The following TBCK variants were observed in gnomAD, a reference collection of about 807,000 sequenced individuals.
TBCK encodes TBC1 domain containing kinase.
Under a neutral mutation model 113.4 loss-of-function variants are expected in TBCK, and 99 were observed. The ratio of observed to expected loss-of-function variants is 0.87; its 90% confidence interval spans 0.74 to 1.03. The LOEUF (loss-of-function observed/expected upper bound fraction) is 1.03, where lower values mean the gene tolerates loss of function less well. TBCK is among the 50% of genes least tolerant of loss of function. The pLI, the probability that TBCK is intolerant of heterozygous loss-of-function variation, is 0.00. For synonymous variants in TBCK, 369 were observed against 370.8 expected (o/e 1.00, Z 0.05); for missense variants, 1,045 against 1,061.3 (o/e 0.98, Z 0.21).
At chr4:106,152,633 T>G (rs1387245677) in intron 23 of TBCK, among the ~76,000 whole-genome samples, 2 of 152,110 alleles carry the variant, frequency 1.3e-5, no homozygotes, top group Non-Finnish European at 2.9e-5. Flanking sequence ...CCACTATTTT[T>G]CAGAATAGTC....
chr4:106,217,381 G>C (rs897037126), intron 19 of TBCK, among the ~76,000 whole-genome samples: 6 of 152,144 alleles, frequency 3.9e-5, no homozygotes, highest in Admixed American at 3.9e-4. Flanking sequence ...AATTAGGCAG[G>C]AGAAGGAAAT....
chr4:106,231,900 C>T, intron 17 of TBCK, 121 bp from the exon 18 acceptor site: 1 of 887,482 alleles, frequency 1.1e-6, no homozygotes. Context: ...AAGTATTATC[C>T]ATCCAGAAAT....
At chr4:106,171,818 A>G (rs1248378621) in intron 22 of TBCK, among the ~76,000 whole-genome samples, 1 of 152,026 alleles carries the variant, frequency 6.6e-6, no homozygotes, top group African/African-American at 2.4e-5. Flanking sequence ...ATCTCAATTC[A>G]GCATTTCTCA....
At chr4:106,216,381 G>A (rs1451538657) in intron 19 of TBCK, among the ~76,000 whole-genome samples, 1 of 151,996 alleles carries the variant, frequency 6.6e-6, no homozygotes, top group Non-Finnish European at 1.5e-5. Flanking sequence ...CAGAACTGAA[G>A]GAAATAGAGA....
chr4:106,210,921 T>C (rs1040839390), intron 20 of TBCK, among the ~76,000 whole-genome samples: 2 of 152,210 alleles, frequency 1.3e-5, no homozygotes, highest in African/African-American at 4.8e-5. Context: ...TCTCTGTTCA[T>C]GAATATGTCT....
intron 3 of TBCK, among the ~76,000 whole-genome samples, chr4:106,269,524 T>A (rs547572297): frequency 6.6e-6 from 1 of 152,272 alleles, no homozygotes; most frequent in South Asian, 2.1e-4. Flanking sequence ...CACATTTCAG[T>A]ACTGGGCACA....
intron 20 of TBCK, among the ~76,000 whole-genome samples, chr4:106,206,960 G>C (rs1220316709): frequency 1.3e-5 from 2 of 152,096 alleles, no homozygotes; most frequent in African/African-American, 4.8e-5. Context: ...ATGGTTACCT[G>C]ACAACTCTTC....
intron 1 of TBCK, among the ~76,000 whole-genome samples, chr4:106,311,334 T>C (rs1400138840): frequency 2.6e-5 from 4 of 151,936 alleles, no homozygotes; most frequent in Non-Finnish European, 5.9e-5. Context: ...CAATGGTAGG[T>C]AAATGGTTAA....
At chr4:106,310,408 A>T (rs557207149) in intron 1 of TBCK, 2 of 152,382 alleles carry the variant, frequency 1.3e-5, no homozygotes, top group East Asian at 3.9e-4. Flanking sequence ...GAACAATGTT[A>T]AACAGCAGTC....
At chr4:106,237,904 G>A (rs1435797065) in intron 12 of TBCK, among the ~76,000 whole-genome samples, 1 of 151,932 alleles carries the variant, frequency 6.6e-6, no homozygotes, top group Non-Finnish European at 1.5e-5. Flanking sequence ...TATCTTGTCT[G>A]TCTTTTCTAA....
chr4:106,116,904 A>G (rs577881930), intron 23 of TBCK, among the ~76,000 whole-genome samples: 1 of 152,212 alleles, frequency 6.6e-6, no homozygotes, highest in African/African-American at 2.4e-5. Flanking sequence ...TTCATTTTAT[A>G]TTACAATGTA....
In TBCK at chr4:106,233,390, A is replaced by G. The variant is rs544648839; in HGVS notation, c.1512+198T>C. Among the ~76,000 whole-genome samples the G allele has an allele frequency of 1.7e-4, 26 of 152,190 alleles. 1 individual carries two copies. The South Asian group carries it at 2.5e-3, about 15-fold the overall frequency. On this transcript the variant is annotated intron_variant, in intron 16 of 25. Transcript: ENST00000394708. ...GATGAAGAACTACAGTATTTTTAAAAAGGTAACTTGACCTAAAGTCCTTTA... is the reference window on the plus strand; with the variant it reads ...GATGAAGAACTACAGTATTTTTAAAGAGGTAACTTGACCTAAAGTCCTTTA...
At chr4:106,211,486 A>T (rs1301072804) in intron 20 of TBCK, among the ~76,000 whole-genome samples, 1 of 152,174 alleles carries the variant, frequency 6.6e-6, no homozygotes, top group Admixed American at 6.5e-5. Flanking sequence ...CACATGTAGG[A>T]GGCAGAAAAC....
chr4:106,215,058 A>G (rs920690010), intron 19 of TBCK, among the ~76,000 whole-genome samples: 2 of 150,938 alleles, frequency 1.3e-5, no homozygotes, highest in South Asian at 4.2e-4. Flanking sequence ...GGGGGCCAAT[A>G]TTCAACATTC....
chr4:106,085,275 A>G (rs1469497269), intron 25 of TBCK, among the ~76,000 whole-genome samples: 2 of 136,868 alleles, frequency 1.5e-5, no homozygotes, highest in East Asian at 3.9e-4. Context: ...GGAAAGAAAA[A>G]CAAAACAAAA....
In TBCK at chr4:106,105,500, C is replaced by A. The variant is rs572912858; in HGVS notation, c.2412-9859G>T. 1.6e-3 allele frequency among the ~76,000 whole-genome samples: 236 copies of A among 152,252 alleles called. 1 individual carries two copies. The highest frequency in any genetic ancestry group is 5.2e-3 in the African/African-American group (217 of 41,540). On this transcript the variant is annotated intron_variant, in intron 24 of 25. Transcript: ENST00000394708. The stretch of plus-strand genomic sequence containing the variant: ...AGCAGGCACTCAAGGGGGAGAGGAG[C>A]CCACACTTTCAGAGCACTGAGAGGG...
intron 25 of TBCK, among the ~76,000 whole-genome samples, chr4:106,089,117 C>A (rs1388098953): frequency 6.6e-6 from 1 of 151,474 alleles, no homozygotes; most frequent in Non-Finnish European, 1.5e-5. Flanking sequence ...GTGGTACCAA[C>A]ATCTTCTGGT....
At chr4:106,186,413 A>C (rs767100916) in intron 22 of TBCK, among the ~76,000 whole-genome samples, 2 of 152,082 alleles carry the variant, frequency 1.3e-5, no homozygotes, top group Non-Finnish European at 2.9e-5. Flanking sequence ...TTGGCTTTTT[A>C]ATCATAGCCA....
chr4:106,220,406 CTCTT>C (rs1757541747), intron 19 of TBCK, among the ~76,000 whole-genome samples: 1 of 152,156 alleles, frequency 6.6e-6, no homozygotes, highest in Non-Finnish European at 1.5e-5. Context: ...AATTAAACCT[CTCTT>C]TTTTTTTCCA....
Sources: allele counts gnomAD v4.1 joint callset (sites outside exome capture counted in the v4.1 genomes callset), GRCh38; gene constraint gnomAD v4.1.1; transcripts MANE v1.5; gene names NCBI Gene and HGNC (gene_info 2026-07-23, HGNC 2026-07-21).